Variants in EML5 observed in about 807,000 individuals in gnomAD.
EML5 encodes the protein EMAP like 5, also known as echinoderm microtubule-associated protein-like 5.
In EML5, 120 loss-of-function variants were observed where a neutral mutation model predicts 250.0. The ratio of observed to expected loss-of-function variants is 0.48; its 90% CI spans 0.41 to 0.56. EML5 has a LOEUF of 0.56. EML5 is among the 20% of genes least tolerant of loss of function. The probability of loss-of-function intolerance (pLI) is 0.00; values close to 1 mark genes in which losing one functional copy is unlikely to be tolerated. For synonymous variants in EML5, 771 were observed against 806.5 expected (o/e 0.96, Z 0.75); for missense variants, 2,006 against 2,437.6 (o/e 0.82, Z 3.73).
At chr14:88,728,290 G>C (rs918719245) in intron 7 of EML5, among the ~76,000 whole-genome samples, 12 of 151,626 alleles carry the variant, frequency 7.9e-5, no homozygotes, top group African/African-American at 2.4e-4. Context: ...AAGTAATCTA[G>C]AGATTTAAAG....
intron 30 of EML5, among the ~76,000 whole-genome samples, chr14:88,643,377 GA>G (rs59186795): frequency 6.6e-6 from 1 of 151,592 alleles, no homozygotes; most frequent in African/African-American, 2.4e-5. Context: ...AAATATTGGG[GA>G]AAAAAACAAT....
chr14:88,711,295 A>C (rs1357430941), intron 10 of EML5, among the ~76,000 whole-genome samples: 1 of 150,074 alleles, frequency 6.7e-6, no homozygotes, highest in Non-Finnish European at 1.5e-5. Flanking sequence ...GAGGTGATCG[A>C]ATCATGGGGG....
At chr14:88,702,708 T>C (rs1468065371) in intron 13 of EML5, 76 bp from the exon 14 acceptor site, 1 of 1,050,778 alleles carries the variant, frequency 9.5e-7, no homozygotes, top group Non-Finnish European at 1.3e-6. Flanking sequence ...AGGGGAGAAG[T>C]AGGTACCCTT....
At chr14:88,708,603 C>T (rs1705801391) in intron 10 of EML5, among the ~76,000 whole-genome samples, 1 of 152,034 alleles carries the variant, frequency 6.6e-6, no homozygotes, top group African/African-American at 2.4e-5. Context: ...ACTGAGAGGG[C>T]ATGAACATGA....
In EML5 at chr14:88,638,710, C is replaced by T. The variant is rs370509854; in HGVS notation, c.4336+99G>A. Reference sequence around the variant, plus strand: ...TATGTATACATAGATTTTGAACAATCGATAAATCAATAAAATTTTGATTTT... The same window carrying T: ...TATGTATACATAGATTTTGAACAATTGATAAATCAATAAAATTTTGATTTT... On this transcript the variant is annotated intron_variant, in intron 32 of 43. Transcript: ENST00000554922. 425 of 1,025,332 alleles carry T rather than the reference C, an allele frequency of 4.1e-4. 2 individuals are homozygous for T. The highest frequency in any genetic ancestry group is 1.5e-3 in the South Asian group (98 of 67,272). 63.5% of individuals were successfully genotyped at this position (1,025,332 alleles called of 1,614,324 possible).
At chr14:88,766,441 T>C (rs2094321282) in intron 1 of EML5, among the ~76,000 whole-genome samples, 1 of 152,152 alleles carries the variant, frequency 6.6e-6, no homozygotes, top group Non-Finnish European at 1.5e-5. Flanking sequence ...TTTACAGTTG[T>C]GGATAAGGGA....
At chr14:88,623,491 GCTCA>G (rs2089425717) in intron 36 of EML5, 1 of 151,936 alleles carries the variant, frequency 6.6e-6, no homozygotes. Context: ...TGTGATCTCG[GCTCA>G]CTGCAACCTG....
At chr14:88,694,220 T>G (rs916082351) in intron 17 of EML5, 87 bp downstream of exon 17, 3 of 835,540 alleles carry the variant, frequency 3.6e-6, no homozygotes, top group African/African-American at 3.5e-5. Context: ...GGATGCAGTC[T>G]AGGGTACACA....
intron 1 of EML5, among the ~76,000 whole-genome samples, chr14:88,756,976 G>T (rs1001563093): frequency 3.3e-5 from 5 of 152,122 alleles, no homozygotes; most frequent in African/African-American, 1.2e-4. Flanking sequence ...CTGACAAGCT[G>T]ATTCTAAAAT....
intron 10 of EML5, among the ~76,000 whole-genome samples, chr14:88,709,147 G>T (rs2093364671): frequency 8.3e-6 from 1 of 120,284 alleles, no homozygotes; most frequent in African/African-American, 4.4e-5. Context: ...TAAACTTCTA[G>T]ATATGGGAAT....
At chr14:88,745,483 T>C (rs551229950) in intron 3 of EML5, among the ~76,000 whole-genome samples, 5 of 152,092 alleles carry the variant, frequency 3.3e-5, no homozygotes, top group Non-Finnish European at 7.4e-5. Context: ...GAATGAGGAA[T>C]ATATATTCTA....
chr14:88,719,210 C>A (rs958219623), intron 8 of EML5, among the ~76,000 whole-genome samples: 6 of 152,010 alleles, frequency 3.9e-5, no homozygotes, highest in African/African-American at 1.2e-4. Flanking sequence ...AATGACAAGA[C>A]CACATCTCTA....
chr14:88,645,100 C>T (rs1344378938), intron 29 of EML5, among the ~76,000 whole-genome samples: 11 of 152,050 alleles, frequency 7.2e-5, no homozygotes, highest in Non-Finnish European at 1.5e-4. Context: ...ATTCTCGCCT[C>T]ACTGCAACTC....
chr14:88,669,311 A>C (rs1595453339), intron 21 of EML5, among the ~76,000 whole-genome samples: 1 of 152,098 alleles, frequency 6.6e-6, no homozygotes, highest in Admixed American at 6.6e-5. Flanking sequence ...GGCTGTCATC[A>C]CTTTGGCTGT....
rs2093774995 is a variant in EML5 at position 88,732,423 on chromosome 14, A to G, written c.1049+3941T>C. Reference sequence around the variant, plus strand: ...GGGCTCTGTTCTGTTCCATTGGTCTATATCTCTGTTTTGGTACCAGTACCA... The same window carrying G: ...GGGCTCTGTTCTGTTCCATTGGTCTGTATCTCTGTTTTGGTACCAGTACCA... On this transcript the variant is annotated intron_variant, in intron 7 of 43. Coordinates refer to ENST00000554922, the MANE Select transcript of EML5 (RefSeq NM_183387.3). Among the ~76,000 whole-genome samples the G allele has an allele frequency of 2.0e-5, 3 of 152,130 alleles. No individual in the cohort carries two copies. The South Asian group carries it at 6.2e-4, about 32-fold the overall frequency.
At chr14:88,662,955 C>T (rs917934308) in intron 24 of EML5, 76 bp downstream of exon 24, 59 of 1,056,104 alleles carry the variant, frequency 5.6e-5, no homozygotes, top group South Asian at 1.7e-4. Flanking sequence ...TGTAACTAAA[C>T]GATAGAAAGT....
chr14:88,767,512 G>A (rs890637913), intron 1 of EML5, among the ~76,000 whole-genome samples: 1 of 151,954 alleles, frequency 6.6e-6, no homozygotes, highest in Non-Finnish European at 1.5e-5. Flanking sequence ...GCCTGCCTCT[G>A]GACAAAAAGC....
chr14:88,660,112 CA>C (rs1555429208), intron 25 of EML5, among the ~76,000 whole-genome samples: 18 of 150,890 alleles, frequency 1.2e-4, no homozygotes, highest in African/African-American at 3.6e-4. Flanking sequence ...CCCATCTCTA[CA>C]AAAAAAAATT....
At chr14:88,622,369 C>G (rs1255981691) in intron 37 of EML5, 4 of 362,828 alleles carry the variant, frequency 1.1e-5, no homozygotes, top group Admixed American at 8.9e-5. Flanking sequence ...TTGGCAGATT[C>G]TAGAAAATAT....
Sources: gnomAD v4.1 joint callset for allele counts (sites outside exome capture counted in the v4.1 genomes callset) on GRCh38, gnomAD v4.1.1 for gene constraint, MANE v1.5 for transcripts, NCBI Gene and HGNC (gene_info 2026-07-23, HGNC 2026-07-21) for gene names.